The following UPF3B variants were observed in gnomAD, a reference collection of about 807,000 sequenced individuals.
The protein encoded by UPF3B is regulator of nonsense transcripts 3B.
Under a neutral mutation model 40.3 loss-of-function variants are expected in UPF3B, and 7 were observed. That is an observed-to-expected ratio of 0.17 (90% CI 0.10 to 0.33). UPF3B has a LOEUF of 0.33. Ranked by LOEUF, UPF3B falls within the 10% of genes least tolerant of loss-of-function variation. The pLI is 1.00. For synonymous variants in UPF3B, 117 were observed against 117.3 expected (o/e 1.00, Z 0.01); for missense variants, 229 against 358.9 (o/e 0.64, Z 2.93).
At chrX:119,852,018 A>G (rs768350209) in intron 1 of UPF3B, 145 bp from the exon 2 acceptor site, 20 of 466,199 alleles carry the variant, frequency 4.3e-5, no homozygotes, top group Admixed American at 3.0e-4. Flanking sequence ...CTGCAGCCCA[A>G]TGCTCAGAAT....
rs2056065943 is a variant in UPF3B at position 119,834,163 on chromosome X, AAC to A, written c.*713_*714del. On this transcript the variant is annotated 3_prime_UTR_variant, in exon 11 of 11. Transcript: ENST00000276201. ...ACTCAGATCATGAGACCTAAGATCA[AAC>A]ACACTGGATTGTCAAGAGTCAAACA... is the stretch of plus-strand genomic sequence containing the variant. 1 of 753,701 alleles carries A rather than the reference AAC, an allele frequency of 1.3e-6. No individual in the cohort carries two copies. 62.1% of individuals were successfully genotyped at this position (753,701 alleles called of 1,213,427 possible). A position where few individuals can be genotyped will look rare whatever the true frequency, so the allele number is the denominator to read the frequency against.
chrX:119,823,556 C>CTTTTTTTTTTTTTTTTTTTTTTTT (rs1569459617), intron 3 of UPF3B, among the ~76,000 whole-genome samples: 1 of 42,090 alleles, frequency 2.4e-5, no homozygotes. Flanking sequence ...TCTTTTTTTC[C>CTTTTTTTTTTTTTTTTTTTTTTTT]TCTTTTTTTT....
intron 4 of UPF3B, among the ~76,000 whole-genome samples, chrX:119,818,604 C>T (rs2055885335): frequency 9.0e-6 from 1 of 111,596 alleles, no homozygotes; most frequent in Admixed American, 9.6e-5. Context: ...CAGCCATCAC[C>T]ATAGACATCA....
At position 119,837,696 on chromosome X, in the gene UPF3B, C is replaced by A. The variant is rs747322271; in HGVS notation, c.1302+61G>T. The stretch of plus-strand genomic sequence containing the variant: ...ATAATAACAGTGCCCTTTACACTTT[C>A]TTTACACTTGCAGGAAAAGGGAAAA... On this transcript the variant is annotated intron_variant, in intron 10 of 10. Coordinates refer to ENST00000276201, the MANE Select transcript of UPF3B (RefSeq NM_080632.3). 5.3e-6 allele frequency: 6 copies of A among 1,132,944 alleles called. No homozygotes were observed. In the South Asian group the frequency reaches 9.2e-5, roughly 17 times the overall value. 93.4% of individuals were successfully genotyped at this position (1,132,944 alleles called of 1,213,427 possible).
intron 3 of UPF3B, among the ~76,000 whole-genome samples, chrX:119,847,826 G>C (rs1198313356): frequency 9.0e-6 from 1 of 110,784 alleles, no homozygotes; most frequent in Middle Eastern, 4.6e-3. Context: ...CCATTTCTCG[G>C]TATATATCCA....
chrX:119,845,524 C>T (rs1233677277), intron 3 of UPF3B, among the ~76,000 whole-genome samples: 1 of 112,068 alleles, frequency 8.9e-6, no homozygotes, highest in Non-Finnish European at 1.9e-5. Flanking sequence ...GTAAAATATT[C>T]ATATAAATTC....
At chrX:119,821,454 C>T (rs2055917830) in intron 4 of UPF3B, among the ~76,000 whole-genome samples, 1 of 112,927 alleles carries the variant, frequency 8.9e-6, no homozygotes, top group Admixed American at 9.4e-5. Context: ...TATTCATCTG[C>T]TTTTGATACT....
intron 3 of UPF3B, among the ~76,000 whole-genome samples, chrX:119,825,549 A>G (rs2055970695): frequency 8.9e-6 from 1 of 112,104 alleles, no homozygotes; most frequent in South Asian, 3.7e-4. Context: ...ATTATAAAAT[A>G]TCTCAACAGG....
chrX:119,851,445 CA>C (rs1178948990), intron 3 of UPF3B, 49 bp downstream of exon 3: 2 of 944,424 alleles, frequency 2.1e-6, no homozygotes, highest in Non-Finnish European at 3.1e-6. Flanking sequence ...TTGTCTTAAA[CA>C]TACAAATGAC....
intron 3 of UPF3B, 22 bp from the exon 4 acceptor site, chrX:119,845,318 C>T (rs1277266095): frequency 8.8e-7 from 1 of 1,134,167 alleles, no homozygotes; most frequent in Non-Finnish European, 1.2e-6. Context: ...AAAAATACCA[C>T]ACTTGCTATA....
intron 10 of UPF3B, among the ~76,000 whole-genome samples, chrX:119,836,683 C>T (rs779225314): frequency 4.5e-4 from 48 of 106,531 alleles, no homozygotes; most frequent in African/African-American, 1.5e-3. Flanking sequence ...CAGAGTCTCG[C>T]TCTGTTGCCC....
rs998716266 is a variant in UPF3B at position 119,838,544 on chromosome X, T to C, written c.847-17A>G. The C allele has an allele frequency of 8.3e-7, 1 of 1,199,153 alleles. No individual in the cohort carries two copies. The highest frequency in any genetic ancestry group is 1.8e-5 in the African/African-American group (1 of 56,890). ...CTTGAGCAGCTTTAAAGATAAAATGTTTATTTTTATTTTGAAGGCTGGGAC... is the reference window on the plus strand; with the variant it reads ...CTTGAGCAGCTTTAAAGATAAAATGCTTATTTTTATTTTGAAGGCTGGGAC... On this transcript the variant is annotated splice_polypyrimidine_tract_variant and intron_variant, in intron 8 of 10. Coordinates refer to ENST00000276201, the MANE Select transcript of UPF3B (RefSeq NM_080632.3).
chrX:119,821,451 C>A (rs1445746096), intron 4 of UPF3B, among the ~76,000 whole-genome samples: 1 of 112,956 alleles, frequency 8.9e-6, no homozygotes, highest in Non-Finnish European at 1.9e-5. Flanking sequence ...CATTATTCAT[C>A]TGCTTTTGAT....
intron 5 of UPF3B, among the ~76,000 whole-genome samples, 165 bp from the exon 6 acceptor site, chrX:119,841,943 C>A (rs909808909): frequency 1.8e-5 from 2 of 112,010 alleles, no homozygotes; most frequent in Non-Finnish European, 3.8e-5. Context: ...CATTCGATTT[C>A]AACAATACGG....
chrX:119,848,966 T>C (rs923357697), intron 3 of UPF3B, among the ~76,000 whole-genome samples: 5 of 111,904 alleles, frequency 4.5e-5, no homozygotes, highest in Admixed American at 9.5e-5. Flanking sequence ...AATTTTATTA[T>C]AGGTGAGTTA....
intron 3 of UPF3B, among the ~76,000 whole-genome samples, chrX:119,849,918 C>T (rs754141647): frequency 9.1e-6 from 1 of 110,275 alleles, no homozygotes; most frequent in Non-Finnish European, 1.9e-5. Flanking sequence ...ATAAGCAGAC[C>T]TTGTCTCTAA....
downstream of UPF3B, among the ~76,000 whole-genome samples, chrX:119,831,007 T>C (rs1211497278): frequency 8.9e-6 from 1 of 112,446 alleles, no homozygotes; most frequent in Non-Finnish European, 1.9e-5. Context: ...TCATATGTGA[T>C]GAAGTCCTCA....
intron 5 of UPF3B, among the ~76,000 whole-genome samples, chrX:119,811,436 A>C (rs910895970): frequency 1.8e-5 from 2 of 109,581 alleles, no homozygotes; most frequent in Non-Finnish European, 3.8e-5. Context: ...CACAAGGTCA[A>C]GAGATCATAG....
intron 3 of UPF3B, among the ~76,000 whole-genome samples, chrX:119,849,875 T>TA (rs1170917622): frequency 1.1e-3 from 124 of 108,105 alleles, no homozygotes; most frequent in Non-Finnish European, 3.5e-4. Context: ...AACAAGATAT[T>TA]AAAAAAAAAC....
Sources: allele counts gnomAD v4.1 joint callset (sites outside exome capture counted in the v4.1 genomes callset), GRCh38; gene constraint gnomAD v4.1.1; transcripts MANE v1.5; gene names NCBI Gene and HGNC (gene_info 2026-07-23, HGNC 2026-07-21).